The following NOS1AP variants were observed in gnomAD, a reference collection of about 807,000 sequenced individuals.
NOS1AP encodes the protein nitric oxide synthase 1 adaptor protein.
Under a neutral mutation model 56.2 loss-of-function variants are expected in NOS1AP, and 21 were observed. The observed-to-expected ratio is 0.37, with a 90% CI of 0.26 to 0.54. The LOEUF (loss-of-function observed/expected upper bound fraction) is 0.54. Among genes scored for constraint, NOS1AP ranks in the 20% least tolerant of loss-of-function variants. The probability of loss-of-function intolerance (pLI) is 0.84; values close to 1 mark genes in which losing one functional copy is unlikely to be tolerated. For synonymous variants in NOS1AP, 270 were observed against 274.6 expected, an observed-to-expected ratio of 0.98 and a Z score of 0.17; for missense variants, 522 against 657.8, an observed-to-expected ratio of 0.79 and a Z score of 2.26.
At position 162,110,297 on chromosome 1, in the gene NOS1AP, C is replaced by G. The variant is rs377179400; in HGVS notation, c.105+40015C>G. Among the ~76,000 whole-genome samples, 53 of 152,000 alleles carry G rather than the reference C, an allele frequency of 3.5e-4. 2 individuals are homozygous for G. In the East Asian group the frequency reaches 0.01, roughly 29 times the overall value. On this transcript the variant is annotated intron_variant, in intron 1 of 9. Transcript: ENST00000361897. ...GCCTGTCTGGGCACATGTTCACCAGCCAAATAACTTTTAACATGCCCAAGG... is the reference window on the plus strand; with the variant it reads ...GCCTGTCTGGGCACATGTTCACCAGGCAAATAACTTTTAACATGCCCAAGG...
intron 4 of NOS1AP, 112 bp downstream of exon 4, chr1:162,300,818 T>G: frequency 1.2e-6 from 1 of 858,392 alleles, no homozygotes; most frequent in East Asian, 2.5e-5. Context: ...ACTTCTATGC[T>G]TTTCCCTCCT....
At chr1:162,291,025 CA>C (rs11292339) in intron 3 of NOS1AP, among the ~76,000 whole-genome samples, 102,699 of 144,156 alleles carry the variant, frequency 0.71, 36,832 homozygotes, top group Non-Finnish European at 0.8. Context: ...ACTGGACTAT[CA>C]AAAAAAAAAA....
intron 4 of NOS1AP, among the ~76,000 whole-genome samples, chr1:162,315,171 A>AG (rs1198466522): frequency 6.6e-6 from 1 of 152,236 alleles, no homozygotes; most frequent in Non-Finnish European, 1.5e-5. Flanking sequence ...CTGACATGTA[A>AG]GGACCATGTG....
intron 4 of NOS1AP, among the ~76,000 whole-genome samples, chr1:162,316,429 G>A (rs1209620158): frequency 6.6e-6 from 1 of 152,204 alleles, no homozygotes; most frequent in African/African-American, 2.4e-5. Context: ...TCCTTCCTCT[G>A]GTTGGCCGAG....
intron 1 of NOS1AP, among the ~76,000 whole-genome samples, chr1:162,137,443 T>A (rs1007382886): frequency 6.6e-5 from 10 of 152,148 alleles, no homozygotes. Context: ...ATGGTACCCA[T>A]CACCATGGTT....
At chr1:162,276,566 A>G (rs1654740662) in intron 2 of NOS1AP, among the ~76,000 whole-genome samples, 1 of 150,178 alleles carries the variant, frequency 6.7e-6, no homozygotes, top group South Asian at 2.1e-4. Flanking sequence ...TGCACTCTAG[A>G]CCAATTACAT....
At chr1:162,226,330 G>A (rs993603725) in intron 2 of NOS1AP, among the ~76,000 whole-genome samples, 1 of 152,110 alleles carries the variant, frequency 6.6e-6, no homozygotes, top group Admixed American at 6.5e-5. Flanking sequence ...ATGGTGCTAG[G>A]CCCTGGGGAT....
chr1:162,333,180 C>T (rs1656829647), intron 5 of NOS1AP, 55 bp downstream of exon 5: 3 of 1,229,280 alleles, frequency 2.4e-6, no homozygotes, highest in East Asian at 2.3e-5. Context: ...TCCAAAGCAC[C>T]CCCAACATTG....
intron 5 of NOS1AP, 101 bp from the exon 6 acceptor site, chr1:162,343,734 T>G: frequency 7.2e-7 from 1 of 1,383,960 alleles, no homozygotes; most frequent in Non-Finnish European, 1.0e-6. Context: ...CTGAACAACT[T>G]TAGATTTTTC....
At chr1:162,287,200 A>ATCC (rs1655116197) in intron 2 of NOS1AP, 144 bp from the exon 3 acceptor site, 1 of 633,094 alleles carries the variant, frequency 1.6e-6, no homozygotes, top group South Asian at 1.9e-5. Flanking sequence ...CTGCTTTTAC[A>ATCC]TCCCCCGAGG....
Position 162,268,704 on chromosome 1 carries a change from T to C in NOS1AP, c.178-18640T>C, listed in dbSNP as rs115384401. 3.6e-3 allele frequency among the ~76,000 whole-genome samples: 547 copies of C among 152,092 alleles called. 1 individual carries two copies. Among genetic ancestry groups the C allele is most frequent in the Non-Finnish European group, 5.9e-3 (404 of 67,988 alleles). ...CAGAAAATAGAATTAAGACACTACA[T>C]TCTAAAACAAGCCTCTATGAAAAAG... is the stretch of plus-strand genomic sequence containing the variant. On this transcript the variant is annotated intron_variant, in intron 2 of 9. Coordinates refer to ENST00000361897, the MANE Select transcript of NOS1AP (RefSeq NM_014697.3).
intron 2 of NOS1AP, among the ~76,000 whole-genome samples, chr1:162,231,816 A>G (rs1237575720): frequency 2.6e-5 from 4 of 152,222 alleles, no homozygotes; most frequent in Non-Finnish European, 5.9e-5. Flanking sequence ...ACATATAATT[A>G]AAAGCCATGT....
chr1:162,365,679 A>C, intron 9 of NOS1AP, 110 bp downstream of exon 9: 1 of 1,328,502 alleles, frequency 7.5e-7, no homozygotes, highest in Non-Finnish European at 1.0e-6. Context: ...CTACCCCTAT[A>C]TTCCAGCAGA....
At chr1:162,096,502 T>C (rs532088486) in intron 1 of NOS1AP, among the ~76,000 whole-genome samples, 1 of 152,210 alleles carries the variant, frequency 6.6e-6, no homozygotes, top group African/African-American at 2.4e-5. Flanking sequence ...AAAGAAAAAA[T>C]ATGTATAATT....
Position 162,252,130 on chromosome 1 carries a change from T to C in NOS1AP, c.178-35214T>C, listed in dbSNP as rs1295366624. On this transcript the variant is annotated intron_variant, in intron 2 of 9. Coordinates refer to ENST00000361897, the MANE Select transcript of NOS1AP (RefSeq NM_014697.3). ...TCTTGGCTTACTGCAGCCTCAGCCC[T>C]CAACCTCACAGGTCCAAATGATCTT... is the stretch of plus-strand genomic sequence containing the variant. Among the ~76,000 whole-genome samples, 3 of 152,036 alleles carry C rather than the reference T, an allele frequency of 2.0e-5. No homozygotes were observed. The East Asian group carries it at 5.8e-4, about 29-fold the overall frequency.
chr1:162,164,221 A>T (rs1265084731), intron 2 of NOS1AP, among the ~76,000 whole-genome samples: 1 of 152,112 alleles, frequency 6.6e-6, no homozygotes, highest in Non-Finnish European at 1.5e-5. Context: ...TTGTAACAGG[A>T]TGATATGCAG....
intron 1 of NOS1AP, among the ~76,000 whole-genome samples, chr1:162,107,997 T>C (rs938901265): frequency 3.9e-4 from 60 of 152,326 alleles, no homozygotes; most frequent in African/African-American, 1.4e-3. Context: ...GAATTTGAGT[T>C]GGACATACAA....
intron 1 of NOS1AP, among the ~76,000 whole-genome samples, chr1:162,081,116 G>A (rs1226035349): frequency 6.6e-6 from 1 of 152,170 alleles, no homozygotes; most frequent in East Asian, 1.9e-4. Flanking sequence ...TCTGTGCATT[G>A]TTCTAAGCAT....
intron 1 of NOS1AP, among the ~76,000 whole-genome samples, chr1:162,126,108 T>C (rs1307912794): frequency 6.6e-5 from 10 of 152,198 alleles, no homozygotes; most frequent in African/African-American, 2.2e-4. Flanking sequence ...AGCAGTGCTA[T>C]TGATTTATGT....
Sources: allele counts gnomAD v4.1 joint callset (sites outside exome capture counted in the v4.1 genomes callset), GRCh38; gene constraint gnomAD v4.1.1; transcripts MANE v1.5; gene names NCBI Gene and HGNC (gene_info 2026-07-23, HGNC 2026-07-21).